Variants in SORCS3 observed in about 807,000 individuals in gnomAD.
SORCS3 encodes the protein sortilin related VPS10 domain containing receptor 3, also known as VPS10 domain-containing receptor SorCS3.
Under a neutral mutation model 146.3 loss-of-function variants are expected in SORCS3, and 57 were observed. The observed-to-expected ratio is 0.39, with a 90% CI of 0.31 to 0.49. SORCS3 has a LOEUF of 0.49. SORCS3 is among the 20% of genes least tolerant of loss of function. The pLI, the probability that SORCS3 is intolerant of heterozygous loss-of-function variation, is 0.92. For missense variants in SORCS3, 1,341 were observed against 1,575.5 expected (o/e 0.85, Z 2.52); for synonymous variants, 653 against 618.5 (o/e 1.06, Z -0.83).
chr10:104,713,239 T>C (rs2016439272), intron 1 of SORCS3, among the ~76,000 whole-genome samples: 1 of 152,096 alleles, frequency 6.6e-6, no homozygotes, highest in South Asian at 2.1e-4. Context: ...CCTTTCCTCA[T>C]CTGTGCTCTT....
intron 13 of SORCS3, among the ~76,000 whole-genome samples, chr10:105,171,192 A>C (rs1394267503): frequency 6.6e-6 from 1 of 152,216 alleles, no homozygotes; most frequent in East Asian, 1.9e-4. Context: ...CTAACTAGGC[A>C]TGTTGTTTCC....
chr10:104,998,499 A>G (rs999594039), intron 4 of SORCS3, among the ~76,000 whole-genome samples: 4 of 152,070 alleles, frequency 2.6e-5, no homozygotes, highest in African/African-American at 9.7e-5. Context: ...ATGATTTGAA[A>G]TTTTCATATG....
chr10:105,203,834 A>T (rs1443192235), intron 16 of SORCS3, among the ~76,000 whole-genome samples: 1 of 152,226 alleles, frequency 6.6e-6, no homozygotes, highest in African/African-American at 2.4e-5. Context: ...TAGAAATACA[A>T]CATAGGCTAG....
At chr10:105,079,114 T>C (rs543654436) in intron 5 of SORCS3, among the ~76,000 whole-genome samples, 1 of 152,358 alleles carries the variant, frequency 6.6e-6, no homozygotes, top group Non-Finnish European at 1.5e-5. Flanking sequence ...CTTAAAATTC[T>C]TGGGCCCCAC....
chr10:105,158,902 C>A lies in SORCS3; in HGVS notation c.1640C>A (p.Ser547Tyr). 1 of 1,611,972 alleles carries A rather than the reference C, an allele frequency of 6.2e-7. No individual in the cohort carries two copies. Among genetic ancestry groups the A allele is most frequent in the South Asian group, 1.1e-5 (1 of 91,026 alleles). Residue 547 changes from serine (S) to tyrosine (Y), a missense_variant, in exon 11 of 27, where the codon TCC (serine) becomes TAC (tyrosine). Ser to Tyr is a moderately radical substitution (Grantham distance 144). Coordinates refer to ENST00000369701, the MANE Select transcript of SORCS3 (RefSeq NM_014978.3). ...CTTTCTCCATTTTAGCCCTTCTGTT[C>A]CTTACATCTGCACCTGCAACTCTCT... ...SPVHCLLPFCSLHLHLQLSEN... is the reference protein window; with the variant it reads ...SPVHCLLPFCYLHLHLQLSEN...
At chr10:104,682,157 G>A (rs1193963688) in intron 1 of SORCS3, among the ~76,000 whole-genome samples, 1 of 152,178 alleles carries the variant, frequency 6.6e-6, no homozygotes, top group Non-Finnish European at 1.5e-5. Context: ...GTGCTTTCTG[G>A]TTCTCTTTTA....
intron 4 of SORCS3, among the ~76,000 whole-genome samples, chr10:105,018,737 T>C (rs1478639558): frequency 6.6e-6 from 1 of 152,242 alleles, no homozygotes; most frequent in Non-Finnish European, 1.5e-5. Context: ...AGGCCATAGA[T>C]ATAGTTGCTC....
intron 20 of SORCS3, among the ~76,000 whole-genome samples, chr10:105,231,649 G>GT (rs1361868772): frequency 1.3e-5 from 2 of 152,158 alleles, no homozygotes; most frequent in East Asian, 1.9e-4. Flanking sequence ...TTTGCTATAG[G>GT]TTTTTTGTAG....
intron 3 of SORCS3, among the ~76,000 whole-genome samples, chr10:104,975,871 A>C (rs1452706626): frequency 1.3e-5 from 2 of 152,254 alleles, no homozygotes; most frequent in African/African-American, 4.8e-5. Flanking sequence ...TAGAAAGCTG[A>C]AACTGGATAC....
At chr10:104,732,856 A>T (rs1334660194) in intron 1 of SORCS3, among the ~76,000 whole-genome samples, 2 of 152,110 alleles carry the variant, frequency 1.3e-5, no homozygotes, top group Non-Finnish European at 2.9e-5. Flanking sequence ...AATGAGGGTC[A>T]GCCTAGGGGT....
chr10:104,950,190 CT>C (rs771010055), intron 3 of SORCS3, among the ~76,000 whole-genome samples: 4 of 152,140 alleles, frequency 2.6e-5, no homozygotes, highest in Non-Finnish European at 5.9e-5. Flanking sequence ...ACTCAAGATC[CT>C]TTTCAAAATG....
rs1465751957 is a variant in SORCS3, at chr10:105,190,073, G to T, written c.2010-9926G>T. ...TGCAAACAGGCTATTAGGAGCTGGA[G>T]GTGAGAGCATCCCATTGCCCATACC... On this transcript the variant is annotated intron_variant, in intron 14 of 26. Transcript: ENST00000369701. Among the ~76,000 whole-genome samples the T allele has an allele frequency of 5.3e-5, 8 of 152,228 alleles. No individual in the cohort carries two copies. The East Asian group carries it at 1.5e-3, about 29-fold the overall frequency.
intron 4 of SORCS3, among the ~76,000 whole-genome samples, chr10:104,987,106 A>G (rs990842715): frequency 2.0e-5 from 3 of 152,128 alleles, no homozygotes; most frequent in East Asian, 1.9e-4. Flanking sequence ...AACTGCGTAC[A>G]TAATATATAT....
At chr10:104,748,547 C>G (rs184140829) in intron 1 of SORCS3, among the ~76,000 whole-genome samples, 1 of 152,222 alleles carries the variant, frequency 6.6e-6, no homozygotes, top group Admixed American at 6.5e-5. Context: ...ATCCAGGCCT[C>G]AGGGATAGGA....
At chr10:104,667,610 CTT>C (rs1228997073) in intron 1 of SORCS3, among the ~76,000 whole-genome samples, 1 of 152,130 alleles carries the variant, frequency 6.6e-6, no homozygotes, top group Non-Finnish European at 1.5e-5. Context: ...GTCTAGTAGA[CTT>C]TTCTTAACAA....
intron 23 of SORCS3, among the ~76,000 whole-genome samples, chr10:105,254,030 G>A (rs145998547): frequency 6.6e-6 from 1 of 152,338 alleles, no homozygotes; most frequent in African/African-American, 2.4e-5. Flanking sequence ...ATAAGAGTTA[G>A]GGACAACAGC....
chr10:104,737,793 G>A (rs1191414655), intron 1 of SORCS3, among the ~76,000 whole-genome samples: 7 of 150,832 alleles, frequency 4.6e-5, no homozygotes, highest in Non-Finnish European at 1.0e-4. Context: ...GATCCCATTT[G>A]TCAATTTTGT....
intron 1 of SORCS3, among the ~76,000 whole-genome samples, chr10:104,660,568 T>C (rs2015688066): frequency 6.6e-6 from 1 of 152,208 alleles, no homozygotes; most frequent in African/African-American, 2.4e-5. Context: ...CACCCTCCAC[T>C]TTCCTTCTGA....
intron 7 of SORCS3, among the ~76,000 whole-genome samples, chr10:105,120,969 C>T (rs1360663831): frequency 1.3e-5 from 2 of 152,058 alleles, no homozygotes; most frequent in East Asian, 3.9e-4. Context: ...AAGGGTGGCA[C>T]TCATGGTGTT....
Sources: gnomAD v4.1 joint callset for allele counts (sites outside exome capture counted in the v4.1 genomes callset) on GRCh38, gnomAD v4.1.1 for gene constraint, MANE v1.5 for transcripts, NCBI Gene and HGNC (gene_info 2026-07-23, HGNC 2026-07-21) for gene names.